Variants in MDFIC observed in about 807,000 individuals in gnomAD.
The protein encoded by MDFIC is myoD family inhibitor domain-containing protein.
In MDFIC, 17 loss-of-function variants were observed where a neutral mutation model predicts 23.2. The observed-to-expected ratio is 0.73, with a 90% CI of 0.50 to 1.10. MDFIC has a LOEUF of 1.10. MDFIC is among the 50% of genes least tolerant of loss of function. MDFIC has a pLI of 0.00. For missense variants in MDFIC, 356 were observed against 316.6 expected (o/e 1.12, Z -0.95); for synonymous variants, 120 against 115.2 (o/e 1.04, Z -0.27).
chr7:114,968,967 C>T (rs761182440), intron 3 of MDFIC, among the ~76,000 whole-genome samples: 1 of 152,170 alleles, frequency 6.6e-6, no homozygotes, highest in Admixed American at 6.5e-5. Context: ...CTGCCCTAAT[C>T]TCAAGGAGAT....
Position 114,942,326 on chromosome 7 carries a change from G to A in MDFIC, c.146G>A (p.Ser49Asn). 1.3e-6 allele frequency: 2 copies of A among 1,599,162 alleles called. No homozygotes were observed. Among genetic ancestry groups the A allele is most frequent in the Middle Eastern group, 1.7e-4 (1 of 6,022 alleles). Residue 49 changes from serine to asparagine, a missense_variant, in exon 3 of 5, where the codon AGC becomes AAC. Physicochemically the swap from Ser to Asn is conservative, Grantham distance 46. Coordinates refer to ENST00000393486, the MANE Select transcript of MDFIC (RefSeq NM_001166345.3). ...AAAGATATAACTCAAGCTACCAATAGCCACTTCACACATGGAGAGATGCAA... is the reference window on the plus strand; with the variant it reads ...AAAGATATAACTCAAGCTACCAATAACCACTTCACACATGGAGAGATGCAA... ...TEKDITQATN[S>N]HFTHGEMQDQ...
intron 3 of MDFIC, among the ~76,000 whole-genome samples, chr7:114,953,636 C>G (rs1792824528): frequency 6.6e-6 from 1 of 152,166 alleles, no homozygotes. Context: ...GCCTTCTGCT[C>G]CACTTTCTAG....
At chr7:114,995,794 G>A (rs766128249) in intron 4 of MDFIC, among the ~76,000 whole-genome samples, 6 of 152,202 alleles carry the variant, frequency 3.9e-5, no homozygotes, top group Non-Finnish European at 8.8e-5. Flanking sequence ...TGGGGATCAG[G>A]GACCCACTTG....
intron 4 of MDFIC, among the ~76,000 whole-genome samples, chr7:115,013,414 C>T (rs191343699): frequency 4.6e-5 from 7 of 152,224 alleles, no homozygotes; most frequent in African/African-American, 9.6e-5. Context: ...ATAAATTTTA[C>T]GACTAGTATA....
intron 4 of MDFIC, among the ~76,000 whole-genome samples, chr7:115,011,691 T>G (rs1369549376): frequency 1.3e-5 from 2 of 152,052 alleles, no homozygotes; most frequent in Admixed American, 6.5e-5. Context: ...TTTAAAATCT[T>G]AATGACATGT....
intron 4 of MDFIC, among the ~76,000 whole-genome samples, chr7:115,000,116 C>T (rs905020926): frequency 9.9e-5 from 15 of 152,116 alleles, no homozygotes; most frequent in Admixed American, 6.6e-5. Flanking sequence ...CAACTATGAA[C>T]GACATATAGA....
intron 2 of MDFIC, among the ~76,000 whole-genome samples, chr7:114,934,590 T>C (rs1297748200): frequency 6.6e-6 from 1 of 152,212 alleles, no homozygotes; most frequent in African/African-American, 2.4e-5. Context: ...AAATATACCA[T>C]AAGCTTCTAA....
intron 2 of MDFIC, among the ~76,000 whole-genome samples, chr7:114,925,839 C>T (rs191323512): frequency 2.0e-5 from 3 of 152,336 alleles, no homozygotes; most frequent in African/African-American, 4.8e-5. Context: ...AAAACAACCA[C>T]AACTGTAGGC....
chr7:114,997,267 A>T (rs1791352276), intron 4 of MDFIC, among the ~76,000 whole-genome samples: 1 of 152,162 alleles, frequency 6.6e-6, no homozygotes, highest in South Asian at 2.1e-4. Flanking sequence ...AATGGGGTAC[A>T]TGGTTGAGTG....
At chr7:115,000,982 G>T (rs1159415838) in intron 4 of MDFIC, among the ~76,000 whole-genome samples, 1 of 152,104 alleles carries the variant, frequency 6.6e-6, no homozygotes, top group Non-Finnish European at 1.5e-5. Context: ...GTGGCCTCAG[G>T]CCCCCTTCCA....
intron 3 of MDFIC, among the ~76,000 whole-genome samples, chr7:114,969,807 C>A (rs1793173720): frequency 6.6e-6 from 1 of 152,246 alleles, no homozygotes; most frequent in Middle Eastern, 3.4e-3. Flanking sequence ...TAATGAGAAA[C>A]AAATCAAAGT....
chr7:114,929,563 A>C (rs1476577400), intron 2 of MDFIC, among the ~76,000 whole-genome samples: 1 of 152,198 alleles, frequency 6.6e-6, no homozygotes, highest in African/African-American at 2.4e-5. Flanking sequence ...ATGGTGGAAA[A>C]GTAGAAATTT....
At chr7:114,956,358 CATAT>C in intron 3 of MDFIC, among the ~76,000 whole-genome samples, 1 of 149,646 alleles carries the variant, frequency 6.7e-6, no homozygotes, top group South Asian at 2.1e-4. Context: ...TACACACACA[CATAT>C]ATATATATAC....
At position 115,018,482 on chromosome 7, in the gene MDFIC, C is replaced by G. The variant is rs539053083; in HGVS notation, c.*2547C>G. ...ATGTTCATAGTACTTTTCCTCTTGT[C>G]TACTCCAGACAGTTATTCCATAAAG... On this transcript the variant is annotated 3_prime_UTR_variant, in exon 5 of 5. Transcript: ENST00000393486. 1.3e-5 allele frequency: 2 copies of G among 152,248 alleles called. No homozygotes were observed. The highest frequency in any genetic ancestry group is 2.9e-5 in the Non-Finnish European group (2 of 67,834). 9.4% of individuals were successfully genotyped at this position (152,248 alleles called of 1,614,324 possible).
At chr7:114,966,019 G>T (rs543455105) in intron 3 of MDFIC, among the ~76,000 whole-genome samples, 1 of 152,110 alleles carries the variant, frequency 6.6e-6, no homozygotes, top group Non-Finnish European at 1.5e-5. Flanking sequence ...TGCTTCTAGA[G>T]AGAATGTTTA....
At chr7:114,979,332 A>T (rs144634839) in intron 3 of MDFIC, among the ~76,000 whole-genome samples, 174 bp from the exon 4 acceptor site, 2 of 151,944 alleles carry the variant, frequency 1.3e-5, no homozygotes, top group African/African-American at 4.8e-5. Flanking sequence ...CATTTTAGTA[A>T]ATTATACTTT....
At chr7:114,934,186 T>A (rs1482120346) in intron 2 of MDFIC, among the ~76,000 whole-genome samples, 1 of 152,062 alleles carries the variant, frequency 6.6e-6, no homozygotes, top group Non-Finnish European at 1.5e-5. Flanking sequence ...AAGGAAGGAG[T>A]TTGCTGTGCC....
At chr7:114,956,242 G>C (rs901469621) in intron 3 of MDFIC, among the ~76,000 whole-genome samples, 2 of 152,070 alleles carry the variant, frequency 1.3e-5, no homozygotes, top group Non-Finnish European at 2.9e-5. Flanking sequence ...GTTGGCAAGA[G>C]AAAAGTTGGA....
intron 4 of MDFIC, among the ~76,000 whole-genome samples, chr7:114,994,798 C>T (rs898001893): frequency 3.3e-5 from 5 of 152,136 alleles, no homozygotes; most frequent in African/African-American, 1.2e-4. Context: ...TCCTTCATTT[C>T]CACTGTGGTG....
Sources: gnomAD v4.1 joint callset for allele counts (sites outside exome capture counted in the v4.1 genomes callset) on GRCh38, gnomAD v4.1.1 for gene constraint, MANE v1.5 for transcripts, NCBI Gene and HGNC (gene_info 2026-07-23, HGNC 2026-07-21) for gene names.